The following KCMF1 variants were observed in gnomAD, a reference collection of about 807,000 sequenced individuals.
KCMF1 encodes the protein potassium channel modulatory factor 1, also known as E3 ubiquitin-protein ligase KCMF1.
KCMF1 carries 3 observed loss-of-function variants against 41.1 expected under a neutral mutation model. The ratio of observed to expected loss-of-function variants is 0.07; its 90% CI spans 0.03 to 0.19. The LOEUF is 0.19. KCMF1 is among the 10% of genes least tolerant of loss of function. KCMF1 has a pLI of 1.00. For missense variants in KCMF1, 286 were observed against 488.9 expected, an observed-to-expected ratio of 0.58 and a Z score of 3.91; for synonymous variants, 142 against 164.5, an observed-to-expected ratio of 0.86 and a Z score of 1.04.
At chr2:85,049,152 T>G (rs1169327579) in intron 5 of KCMF1, among the ~76,000 whole-genome samples, 1 of 152,232 alleles carries the variant, frequency 6.6e-6, no homozygotes, top group African/African-American at 2.4e-5. Flanking sequence ...TAATTCAGTC[T>G]GGGTTAATAT....
intron 1 of KCMF1, among the ~76,000 whole-genome samples, chr2:84,973,821 C>CTTTCTTTTTTTTTTTTTTTTTTTTT (rs1673461429): frequency 7.4e-6 from 1 of 135,836 alleles, no homozygotes; most frequent in Non-Finnish European, 1.6e-5. Context: ...TTCTTTATTT[C>CTTTCTTTTTTTTTTTTTTTTTTTTT]TTTCTTTTTT....
rs1367180745 is a variant in KCMF1, at chr2:85,056,527, G to C, written c.*3118G>C. The C allele has an allele frequency of 6.6e-6, 1 of 152,116 alleles. No individual in the cohort carries two copies. The highest frequency in any genetic ancestry group is 1.5e-5 in the Non-Finnish European group (1 of 68,032). The allele number at this position is 152,116 out of a possible 1,614,324, so 9.4% of individuals were successfully genotyped here. A position where few individuals can be genotyped will look rare whatever the true frequency, so the allele number is the denominator to read the frequency against. On this transcript the variant is annotated 3_prime_UTR_variant, in exon 7 of 7. Coordinates refer to ENST00000409785, the MANE Select transcript of KCMF1 (RefSeq NM_020122.5). ...TTATATATTTACTCCATGGATGTTG[G>C]GGTAAGCACATATATCAATAGTTCA... is the stretch of plus-strand genomic sequence containing the variant.
At chr2:85,032,758 C>A (rs1250875665) in intron 2 of KCMF1, among the ~76,000 whole-genome samples, 1 of 152,178 alleles carries the variant, frequency 6.6e-6, no homozygotes, top group African/African-American at 2.4e-5. Context: ...GTGATTCACC[C>A]ACTTCGCTCT....
chr2:85,018,267 A>ATTTT (rs373718008), intron 1 of KCMF1, among the ~76,000 whole-genome samples: 23 of 126,878 alleles, frequency 1.8e-4, no homozygotes, highest in Non-Finnish European at 2.6e-4. Context: ...ACTAAGCTAG[A>ATTTT]TTTTTTTTTT....
At chr2:84,984,960 C>CAAGCTTG (rs1341614011) in intron 1 of KCMF1, among the ~76,000 whole-genome samples, 1 of 152,050 alleles carries the variant, frequency 6.6e-6, no homozygotes, top group African/African-American at 2.4e-5. Flanking sequence ...GTTGGGATTA[C>CAAGCTTG]AAGCTTGAGC....
At chr2:85,039,402 G>C (rs760124715) in intron 3 of KCMF1, among the ~76,000 whole-genome samples, 42 of 152,056 alleles carry the variant, frequency 2.8e-4, no homozygotes, top group Non-Finnish European at 8.8e-5. Context: ...GTTGATAATT[G>C]TATGGGGAAA....
chr2:84,992,590 T>A (rs568644739), intron 1 of KCMF1, among the ~76,000 whole-genome samples: 35 of 152,280 alleles, frequency 2.3e-4, no homozygotes, highest in Admixed American at 9.2e-4. Flanking sequence ...ATAAATACTT[T>A]GCATACAGTT....
intron 1 of KCMF1, among the ~76,000 whole-genome samples, chr2:85,019,006 G>A (rs569887821): frequency 1.2e-4 from 18 of 151,808 alleles, no homozygotes; most frequent in African/African-American, 4.3e-4. Flanking sequence ...CAAAGTGCTG[G>A]GATTACAGGC....
chr2:85,028,665 A>G (rs1020647787), intron 2 of KCMF1, among the ~76,000 whole-genome samples: 1 of 150,520 alleles, frequency 6.6e-6, no homozygotes, highest in South Asian at 2.1e-4. Flanking sequence ...GATTTTTTGT[A>G]TCTTTAGTAG....
At chr2:84,974,680 TA>T in intron 1 of KCMF1, among the ~76,000 whole-genome samples, 2 of 44,202 alleles carry the variant, frequency 4.5e-5, no homozygotes, top group Non-Finnish European at 8.6e-5. Flanking sequence ...TATATATATA[TA>T]TATATATATA....
intron 1 of KCMF1, among the ~76,000 whole-genome samples, chr2:85,007,518 C>T (rs1333110692): frequency 7.9e-5 from 12 of 152,120 alleles, no homozygotes; most frequent in Non-Finnish European, 1.8e-4. Flanking sequence ...CTTCACTTGG[C>T]CCACCTCCAG....
In KCMF1 at chr2:85,021,824, T is replaced by C. The variant is rs556949926; in HGVS notation, c.17-6065T>C. On this transcript the variant is annotated intron_variant, in intron 1 of 6. Transcript: ENST00000409785. ...GAATCCCATGGTGTTTTGTTTTGTT[T>C]TGTTTTGTTGAGAAGAAATCTTGCT... is the stretch of plus-strand genomic sequence containing the variant. Among the ~76,000 whole-genome samples, 19 of 152,240 alleles carry C rather than the reference T, an allele frequency of 1.2e-4. 1 individual carries two copies. The South Asian group carries it at 3.7e-3, about 30-fold the overall frequency.
At chr2:85,017,179 T>C (rs988304060) in intron 1 of KCMF1, among the ~76,000 whole-genome samples, 7 of 151,996 alleles carry the variant, frequency 4.6e-5, no homozygotes, top group East Asian at 1.9e-4. Flanking sequence ...CGCCCGCCAC[T>C]GCGCCCGGCT....
chr2:84,985,092 C>T (rs1000559633), intron 1 of KCMF1, among the ~76,000 whole-genome samples: 5 of 151,942 alleles, frequency 3.3e-5, no homozygotes, highest in East Asian at 1.9e-4. Flanking sequence ...AAAAAAAATA[C>T]GACTGAGGAT....
Position 84,996,844 on chromosome 2 carries a change from A to T in KCMF1, c.16+25377A>T, listed in dbSNP as rs933363273. 3.9e-5 allele frequency among the ~76,000 whole-genome samples: 6 copies of T among 152,138 alleles called. No homozygotes were observed. The East Asian group carries it at 1.2e-3, about 29-fold the overall frequency. The stretch of plus-strand genomic sequence containing the variant: ...TTAATGAGAGGGATACGTGCTGAGA[A>T]ATGCATCGTTAGGTGATTTTGTCAT... On this transcript the variant is annotated intron_variant, in intron 1 of 6. Coordinates refer to ENST00000409785, the MANE Select transcript of KCMF1 (RefSeq NM_020122.5).
intron 1 of KCMF1, among the ~76,000 whole-genome samples, chr2:84,999,412 A>T (rs1031778707): frequency 2.6e-5 from 4 of 152,188 alleles, no homozygotes; most frequent in Non-Finnish European, 5.9e-5. Context: ...CGGCCTCTCA[A>T]AGTGTTGGGA....
intron 1 of KCMF1, among the ~76,000 whole-genome samples, chr2:84,996,602 AT>A (rs1243400185): frequency 1.3e-5 from 2 of 151,642 alleles, no homozygotes; most frequent in Non-Finnish European, 1.5e-5. Context: ...TGCTCGGCCA[AT>A]TTTTGTATTT....
At chr2:84,985,510 G>T (rs1038808132) in intron 1 of KCMF1, among the ~76,000 whole-genome samples, 1 of 152,148 alleles carries the variant, frequency 6.6e-6, no homozygotes, top group African/African-American at 2.4e-5. Context: ...TTTGGTGGAA[G>T]GTGAATCTTC....
At chr2:84,995,578 A>G (rs764470154) in intron 1 of KCMF1, among the ~76,000 whole-genome samples, 25 of 152,160 alleles carry the variant, frequency 1.6e-4, no homozygotes, top group African/African-American at 5.1e-4. Context: ...GGATCTATCT[A>G]TCCTTTGTTA....
Sources: gnomAD v4.1 joint callset for allele counts (sites outside exome capture counted in the v4.1 genomes callset) on GRCh38, gnomAD v4.1.1 for gene constraint, MANE v1.5 for transcripts, NCBI Gene and HGNC (gene_info 2026-07-23, HGNC 2026-07-21) for gene names.